Variants in TIE1 observed in about 807,000 individuals in gnomAD.
TIE1 encodes the protein tyrosine-protein kinase receptor Tie-1.
Under a neutral mutation model 130.5 loss-of-function variants are expected in TIE1, and 89 were observed. The ratio of observed to expected loss-of-function variants is 0.68; its 90% CI spans 0.57 to 0.81. The LOEUF is 0.81. Among genes scored for constraint, TIE1 ranks in the 40% least tolerant of loss-of-function variants. The pLI, the probability that TIE1 is intolerant of heterozygous loss-of-function variation, is 0.00. For synonymous variants in TIE1, 568 were observed against 629.4 expected, an observed-to-expected ratio of 0.90 and a Z score of 1.46; for missense variants, 1,392 against 1,559.8, an observed-to-expected ratio of 0.89 and a Z score of 1.81.
chr1:43,311,656 TGA>T lies in TIE1; in HGVS notation c.1334-13_1334-12del, dbSNP rs749980699. 6.2e-7 allele frequency: 1 copy of T among 1,608,616 alleles called. No homozygotes were observed. Among genetic ancestry groups the T allele is most frequent in the Non-Finnish European group, 8.5e-7 (1 of 1,177,920 alleles). The stretch of plus-strand genomic sequence containing the variant: ...TAGGCTGTGTGCCCATGCCTTACCC[TGA>T]GTCTCCTGGCAGTGCCCCCCGTGCC... On this transcript the variant is annotated splice_polypyrimidine_tract_variant and intron_variant, in intron 9 of 22. Transcript: ENST00000372476.
chr1:43,321,916 A>T (rs930684126), intron 22 of TIE1, among the ~76,000 whole-genome samples: 1 of 151,462 alleles, frequency 6.6e-6, no homozygotes, highest in Non-Finnish European at 1.5e-5. Context: ...CCCTTCCAAA[A>T]CTCTTCCAAG....
Position 43,307,204 on chromosome 1 carries a change from G to A in TIE1, c.703G>A (p.Gly235Ser). 1 of 1,614,158 alleles carries A rather than the reference G, an allele frequency of 6.2e-7. No individual in the cohort carries two copies. The highest frequency in any genetic ancestry group is 8.5e-7 in the Non-Finnish European group (1 of 1,180,014). Residue 235 changes from glycine to serine, a missense_variant, in exon 5 of 23, where the codon GGT (glycine) becomes AGT (serine). Around this residue, in one of 6 missense-constraint regions of TIE1, gnomAD observed 415 missense variants for 424.8 expected, o/e 0.98. Transcript: ENST00000372476. This position sits in a 1 kb window ranked among gnomAD's most constrained non-coding sequence, Gnocchi z 5.4. ...TKECPGCLHG[G>S]VCHDHDGECV... is the part of the protein sequence containing the mutation. ...GGAGTGCCCAGGTTGCCTACATGGA[G>A]GTGTCTGCCACGACCATGACGGCGA... is the stretch of plus-strand genomic sequence containing the variant.
chr1:43,311,639 GTGCCCATGCC>G, intron 9 of TIE1, 22 bp from the exon 10 acceptor site: 1 of 1,598,866 alleles, frequency 6.3e-7, no homozygotes, highest in Middle Eastern at 2.0e-4. Flanking sequence ...GATAGGCTGT[GTGCCCATGCC>G]TTACCCTGAG....
rs1216259864 is a variant in TIE1 at position 43,313,417 on chromosome 1, TG to T, written c.2213del (p.Gly738AlafsTer24). 6.2e-7 allele frequency: 1 copy of T among 1,613,666 alleles called. No individual in the cohort carries two copies. The highest frequency in any genetic ancestry group is 8.5e-7 in the Non-Finnish European group (1 of 1,179,896). ...DWSNTVEEST[L>X]GNGLQAEGPV... ...AGCAACACAGTAGAAGAGTCCACCC[TG>T]GGCAACGGTGAGAGGGCAGGGCCCA... On this transcript the variant is annotated frameshift_variant, in exon 13 of 23. Coordinates refer to ENST00000372476, the MANE Select transcript of TIE1 (RefSeq NM_005424.5). LOFTEE classifies it high-confidence loss of function. The surrounding 1 kb of genome is among the most constrained non-coding windows in gnomAD (Gnocchi z 6.2).
At chr1:43,308,922 G>A in intron 7 of TIE1, 64 bp from the exon 8 acceptor site, 1 of 1,610,268 alleles carries the variant, frequency 6.2e-7, no homozygotes, top group Non-Finnish European at 8.5e-7. Flanking sequence ...ACGGATGAGG[G>A]GCGCTTTGGT....
At position 43,306,957 on chromosome 1, in the gene TIE1, GC is replaced by G; in HGVS notation, c.607del (p.Leu203TrpfsTer162). The G allele has an allele frequency of 1.2e-6, 2 of 1,613,950 alleles. No individual in the cohort carries two copies. Among genetic ancestry groups the G allele is most frequent in the Non-Finnish European group, 1.7e-6 (2 of 1,180,010 alleles). ...GIYSATYLEA[S>X]PLGSAFFRLI... Reference sequence around the variant, plus strand: ...TACAGTGCCACTTACCTGGAAGCCAGCCCCCTGGGCAGCGCCTTCTTTCGGC... The same window carrying G: ...TACAGTGCCACTTACCTGGAAGCCAGCCCCTGGGCAGCGCCTTCTTTCGGC... On this transcript the variant is annotated frameshift_variant, in exon 4 of 23. Coordinates refer to ENST00000372476, the MANE Select transcript of TIE1 (RefSeq NM_005424.5). LOFTEE classifies it high-confidence loss of function. The surrounding 1 kb of genome is among the most constrained non-coding windows in gnomAD (Gnocchi z 4.9).
chr1:43,318,961 G>A lies in TIE1; in HGVS notation c.2923-274G>A, dbSNP rs1009657442. 7.9e-5 allele frequency among the ~76,000 whole-genome samples: 12 copies of A among 152,072 alleles called. No individual in the cohort carries two copies. Among genetic ancestry groups the A allele is most frequent in the Non-Finnish European group, 1.8e-4 (12 of 68,004 alleles). On this transcript the variant is annotated intron_variant, in intron 17 of 22. Transcript: ENST00000372476. This position sits in a 1 kb window ranked among gnomAD's most constrained non-coding sequence, Gnocchi z 4.4. ...CCCAGGGGATGGGAAGAGGGAGGGG[G>A]AGAAGCATGGAAAGAGGAGAAGGTG...
In TIE1 at chr1:43,307,867, C is replaced by T. The variant is rs768531794; in HGVS notation, c.985C>T (p.Arg329Trp). 32 of 1,614,054 alleles carry T rather than the reference C, an allele frequency of 2.0e-5. No homozygotes were observed. The highest frequency in any genetic ancestry group is 1.7e-4 in the Admixed American group (10 of 59,996). ...GTGTCAGAATGGTGGCACTTGTGACCGGTTCAGTGGTTGTGTCTGCCCCTC... is the reference window on the plus strand; with the variant it reads ...GTGTCAGAATGGTGGCACTTGTGACTGGTTCAGTGGTTGTGTCTGCCCCTC... The part of the protein sequence containing the change: ...CQCQNGGTCD[R>W]FSGCVCPSGW... Residue 329 changes from arginine to tryptophan, a missense_variant, in exon 7 of 23, where the codon CGG becomes TGG. Physicochemically the swap from Arg to Trp is moderately radical, Grantham distance 101. Transcript: ENST00000372476. The surrounding 1 kb of genome is among the most constrained non-coding windows in gnomAD (Gnocchi z 5.4).
At chr1:43,301,482 CAAAA>C (rs772356610) in intron 1 of TIE1, among the ~76,000 whole-genome samples, 1 of 113,424 alleles carries the variant, frequency 8.8e-6, no homozygotes, top group Non-Finnish European at 1.9e-5. Flanking sequence ...TCGTCTTTTT[CAAAA>C]AAAAAAAAAA....
chr1:43,317,901 T>C lies in TIE1; in HGVS notation c.2751T>C (p.Ile917=), dbSNP rs1570450159. 2.5e-6 allele frequency: 4 copies of C among 1,614,134 alleles called. No homozygotes were observed. The East Asian group carries it at 8.9e-5, about 36-fold the overall frequency. ...TCTCAGGTTACTTGTATATCGCTATTGAATATGCCCCCTACGGGAACCTGC... is the reference window on the plus strand; with the variant it reads ...TCTCAGGTTACTTGTATATCGCTATCGAATATGCCCCCTACGGGAACCTGC... ...CKNRGYLYIA[I]EYAPYGNLLD... Residue 917 remains isoleucine (I), a synonymous_variant, in exon 17 of 23, where the codon ATT becomes ATC. Coordinates refer to ENST00000372476, the MANE Select transcript of TIE1 (RefSeq NM_005424.5). The surrounding 1 kb of genome is among the most constrained non-coding windows in gnomAD (Gnocchi z 5.1).
Position 43,307,676 on chromosome 1 carries a change from C to A in TIE1, c.913+104C>A. ...GACTTACGCAGCAAGCCCTCCTGCT[C>A]ACTTGACCAGTCCTTCTATCCTCAG... On this transcript the variant is annotated intron_variant, in intron 6 of 22. Coordinates refer to ENST00000372476, the MANE Select transcript of TIE1 (RefSeq NM_005424.5). The surrounding 1 kb of genome is among the most constrained non-coding windows in gnomAD (Gnocchi z 5.4). 6.2e-7 allele frequency: 1 copy of A among 1,600,840 alleles called. No individual in the cohort carries two copies. The highest frequency in any genetic ancestry group is 8.5e-7 in the Non-Finnish European group (1 of 1,171,090).
rs1408294082 is a variant in TIE1, at chr1:43,321,255, CCTT to C, written c.3108-10_3108-8del. 6.2e-7 allele frequency: 1 copy of C among 1,614,036 alleles called. No homozygotes were observed. The highest frequency in any genetic ancestry group is 1.1e-5 in the South Asian group (1 of 91,084). On this transcript the variant is annotated splice_polypyrimidine_tract_variant and intron_variant, in intron 19 of 22. Coordinates refer to ENST00000372476, the MANE Select transcript of TIE1 (RefSeq NM_005424.5). ...GGGCCTAGAAGGTAACTAAGTGCATCCTTCTTATTTCAGCTGGTCCTTTGGAGT... is the reference window on the plus strand; with the variant it reads ...GGGCCTAGAAGGTAACTAAGTGCATCCTTATTTCAGCTGGTCCTTTGGAGT...
Position 43,309,304 on chromosome 1 carries a change from G to C in TIE1, c.1189-84G>C, listed in dbSNP as rs1646764679. 1 of 1,524,718 alleles carries C rather than the reference G, an allele frequency of 6.6e-7. No individual in the cohort carries two copies. Among genetic ancestry groups the C allele is most frequent in the Admixed American group, 2.2e-5 (1 of 45,896 alleles). The allele number at this position is 1,524,718 out of a possible 1,614,324, so 94.4% of individuals were successfully genotyped here. A position where few individuals can be genotyped will look rare whatever the true frequency, so the allele number is the denominator to read the frequency against. ...GGGGCTGCCACTGGGCCTCTGTCCT[G>C]CCATCAGTCCAGACGGACACCTGGG... On this transcript the variant is annotated intron_variant, in intron 8 of 22. Coordinates refer to ENST00000372476, the MANE Select transcript of TIE1 (RefSeq NM_005424.5). This position sits in a 1 kb window ranked among gnomAD's most constrained non-coding sequence, Gnocchi z 6.3.
Position 43,307,825 on chromosome 1 carries a change from T to C in TIE1, c.943T>C (p.Cys315Arg), listed in dbSNP as rs768194349. ...TGCCCCTGGTCATTTTGGGGCTGAT[T>C]GCCGACTCCAGTGCCAGTGTCAGAA... is the stretch of plus-strand genomic sequence containing the variant. ...ACAPGHFGAD[C>R]RLQCQCQNGG... The change falls in exon 7 of 23, where the codon TGC (cysteine) becomes CGC (arginine). Residue 315 changes from cysteine to arginine, a missense_variant. This residue lies in a region of TIE1 where 28 missense variants were observed against 54.7 expected (regional missense o/e 0.51). Transcript: ENST00000372476. This position sits in a 1 kb window ranked among gnomAD's most constrained non-coding sequence, Gnocchi z 5.4. The C allele has an allele frequency of 6.2e-7, 1 of 1,614,080 alleles. No individual in the cohort carries two copies. Among genetic ancestry groups the C allele is most frequent in the Non-Finnish European group, 8.5e-7 (1 of 1,180,032 alleles).
rs992124976 is a variant in TIE1, at chr1:43,309,863, C to T, written c.1333+331C>T. Among the ~76,000 whole-genome samples, 1 of 152,150 alleles carries T rather than the reference C, an allele frequency of 6.6e-6. No homozygotes were observed. The highest frequency in any genetic ancestry group is 6.6e-5 in the Admixed American group (1 of 15,266). On this transcript the variant is annotated intron_variant, in intron 9 of 22. Coordinates refer to ENST00000372476, the MANE Select transcript of TIE1 (RefSeq NM_005424.5). The surrounding 1 kb of genome is among the most constrained non-coding windows in gnomAD (Gnocchi z 6.3). ...CCTTTAACTCTGCTCTGGGATGCTGCCTCCCATCTCTGAGTCACCCCACAG... is the reference window on the plus strand; with the variant it reads ...CCTTTAACTCTGCTCTGGGATGCTGTCTCCCATCTCTGAGTCACCCCACAG...
rs772560350 is a variant in TIE1 at position 43,308,894 on chromosome 1, T to C, written c.1043-92T>C. 7 of 1,568,202 alleles carry C rather than the reference T, an allele frequency of 4.5e-6. No homozygotes were observed. In the South Asian group the frequency reaches 7.8e-5, roughly 18 times the overall value. On this transcript the variant is annotated intron_variant, in intron 7 of 22. Transcript: ENST00000372476. ...AGGCTGGAGGGACTGGGTAGATACC[T>C]CCACTGAGAAACAGAACACGGATGA...
At position 43,319,439 on chromosome 1, in the gene TIE1, T is replaced by C; in HGVS notation, c.3037-20T>C. The C allele has an allele frequency of 6.2e-7, 1 of 1,613,958 alleles. No individual in the cohort carries two copies. Among genetic ancestry groups the C allele is most frequent in the African/African-American group, 1.3e-5 (1 of 74,964 alleles). ...AGGCCCTTCCTCCACACTCAGCCCC[T>C]CAAACCCATTCTCTCCTAGGGGCGT... On this transcript the variant is annotated intron_variant, in intron 18 of 22. Transcript: ENST00000372476. This position sits in a 1 kb window ranked among gnomAD's most constrained non-coding sequence, Gnocchi z 4.7.
Position 43,321,610 on chromosome 1 carries a change from TCG to T in TIE1, c.3246-4_3246-3del. 1 of 1,554,078 alleles carries T rather than the reference TCG, an allele frequency of 6.4e-7. No individual in the cohort carries two copies. Among genetic ancestry groups the T allele is most frequent in the Non-Finnish European group, 8.7e-7 (1 of 1,148,356 alleles). Reference sequence around the variant, plus strand: ...GACTCCTCATCTCAGCAATGCCCCCTCGCAGGTACGAGCTGATGCGTCAGTGC... The same window carrying T: ...GACTCCTCATCTCAGCAATGCCCCCTCAGGTACGAGCTGATGCGTCAGTGC... On this transcript the variant is annotated splice_polypyrimidine_tract_variant and splice_region_variant and intron_variant, in intron 21 of 22. Coordinates refer to ENST00000372476, the MANE Select transcript of TIE1 (RefSeq NM_005424.5).
rs140373206 is a variant in TIE1 at position 43,307,019 on chromosome 1, G to C, written c.640+24G>C. ...GGGTCAGAGGCAGAGGGCAGAGGTT[G>C]TGGGTAGGGTGGGAGGCTGGGAGCC... On this transcript the variant is annotated intron_variant, in intron 4 of 22. Coordinates refer to ENST00000372476, the MANE Select transcript of TIE1 (RefSeq NM_005424.5). This position sits in a 1 kb window ranked among gnomAD's most constrained non-coding sequence, Gnocchi z 5.4. 1.1e-5 allele frequency: 18 copies of C among 1,613,624 alleles called. No individual in the cohort carries two copies. In the African/African-American group the frequency reaches 1.9e-4, roughly 17 times the overall value.
Sources: allele counts gnomAD v4.1 joint callset (sites outside exome capture counted in the v4.1 genomes callset), GRCh38; gene constraint gnomAD v4.1.1; regional missense constraint gnomAD v4.1.1; non-coding constraint Gnocchi (gnomAD v3.1); transcripts MANE v1.5; gene names NCBI Gene and HGNC (gene_info 2026-07-23, HGNC 2026-07-21).